LTN1: variants seen among roughly 807,000 people sequenced by gnomAD.
LTN1 encodes E3 ubiquitin-protein ligase listerin.
LTN1 carries 88 observed loss-of-function variants against 201.2 expected under a neutral mutation model. That is an observed-to-expected ratio of 0.44 (90% confidence interval 0.37 to 0.52). The LOEUF is 0.52. Among genes scored for constraint, LTN1 ranks in the 20% least tolerant of loss-of-function variants. LTN1 has a pLI of 0.00. For missense variants in LTN1, 1,752 were observed against 2,038.7 expected, an observed-to-expected ratio of 0.86 and a Z score of 2.71; for synonymous variants, 645 against 713.5, an observed-to-expected ratio of 0.90 and a Z score of 1.53.
intron 5 of LTN1, among the ~76,000 whole-genome samples, chr21:28,981,881 G>A (rs529201218): frequency 4.6e-5 from 7 of 152,298 alleles, no homozygotes; most frequent in African/African-American, 1.7e-4. Context: ...ACAGCATTAT[G>A]TTATTTTCAT....
At chr21:28,939,203 TA>T (rs1273168405) in intron 25 of LTN1, among the ~76,000 whole-genome samples, 32 of 152,346 alleles carry the variant, frequency 2.1e-4, no homozygotes, top group South Asian at 1.0e-3. Context: ...TGATTTTAAG[TA>T]GTATACAGGA....
chr21:28,990,420 G>A (rs1483589323), intron 1 of LTN1, among the ~76,000 whole-genome samples: 2 of 152,180 alleles, frequency 1.3e-5, no homozygotes, highest in Admixed American at 1.3e-4. Flanking sequence ...TAATTCATTA[G>A]TTGGGTTGTT....
chr21:28,986,105 AAC>A lies in LTN1; in HGVS notation c.345+32_345+33del. 7.9e-7 allele frequency: 1 copy of A among 1,258,560 alleles called. No individual in the cohort carries two copies. Among genetic ancestry groups the A allele is most frequent in the Non-Finnish European group, 1.2e-6 (1 of 860,970 alleles). 78.0% of individuals were successfully genotyped at this position (1,258,560 alleles called of 1,614,324 possible). A position where few individuals can be genotyped will look rare whatever the true frequency, so the allele number is the denominator to read the frequency against. ...CCATGACTCCAACCAAAAAATATAC[AAC>A]AGAAATAAACTAGCAAAGTTTTAAT... On this transcript the variant is annotated intron_variant, in intron 3 of 29. Transcript: ENST00000361371. This position sits in a 1 kb window ranked among gnomAD's most constrained non-coding sequence, Gnocchi z 4.1.
chr21:28,938,490 T>TA (rs1438147601), intron 25 of LTN1, among the ~76,000 whole-genome samples: 1 of 152,214 alleles, frequency 6.6e-6, no homozygotes, highest in Non-Finnish European at 1.5e-5. Flanking sequence ...AACAAAAAGT[T>TA]AGAGATTTTT....
At chr21:28,964,672 C>G in intron 11 of LTN1, 1 of 1,550,452 alleles carries the variant, frequency 6.4e-7, no homozygotes, top group Non-Finnish European at 8.7e-7. Context: ...GAAGCGCAGG[C>G]AGCAAACACT....
In LTN1 at chr21:28,965,914, A is replaced by C. The variant is rs2084517864; in HGVS notation, c.2122-8T>G. ...ATTCCATTTCAAGTCCACCTGAAAA[A>C]AGAAAAAGAGTTAGAAACAATCTGC... On this transcript the variant is annotated splice_region_variant and splice_polypyrimidine_tract_variant and intron_variant, in intron 10 of 29. Transcript: ENST00000361371. 1 of 1,525,268 alleles carries C rather than the reference A, an allele frequency of 6.6e-7. No individual in the cohort carries two copies. Among genetic ancestry groups the C allele is most frequent in the Non-Finnish European group, 9.0e-7 (1 of 1,113,222 alleles). 94.5% of individuals were successfully genotyped at this position (1,525,268 alleles called of 1,614,324 possible).
At chr21:28,972,500 G>A (rs1202232292) in intron 6 of LTN1, among the ~76,000 whole-genome samples, 1 of 152,096 alleles carries the variant, frequency 6.6e-6, no homozygotes, top group Admixed American at 6.5e-5. Flanking sequence ...TGCAGAACCT[G>A]CAGATATGGA....
In LTN1 at chr21:28,965,958, G is replaced by A. The variant is rs752633070; in HGVS notation, c.2122-52C>T. The A allele has an allele frequency of 6.3e-6, 7 of 1,116,372 alleles. No homozygotes were observed. In the South Asian group the frequency reaches 8.6e-5, roughly 14 times the overall value. The allele number at this position is 1,116,372 out of a possible 1,614,324, so 69.2% of individuals were successfully genotyped here. On this transcript the variant is annotated intron_variant, in intron 10 of 29. Transcript: ENST00000361371. ...AATCTGCTAGAACAACTTTTTGTTT[G>A]AGATGGGGTTTTGTATGTTGCCCAG...
At position 28,967,296 on chromosome 21, in the gene LTN1, G is replaced by A. The variant is rs1422780454; in HGVS notation, c.1312-117C>T. ...AGTGATATCATTTCATAAGCTAATG[G>A]GTTGATTGATGGCTGGCAGCACCTG... On this transcript the variant is annotated intron_variant, in intron 9 of 29. Coordinates refer to ENST00000361371, the MANE Select transcript of LTN1 (RefSeq NM_015565.3). 1.5e-5 allele frequency: 11 copies of A among 735,988 alleles called. No individual in the cohort carries two copies. The African/African-American group carries it at 1.6e-4, about 11-fold the overall frequency. 45.6% of individuals were successfully genotyped at this position (735,988 alleles called of 1,614,324 possible).
intron 18 of LTN1, among the ~76,000 whole-genome samples, chr21:28,948,175 A>G (rs78726053): frequency 1 from 108,021 of 108,024 alleles, 54,009 homozygotes; most frequent in Middle Eastern, 1. Context: ...CCTGGTGATA[A>G]AGCAAAACTC....
chr21:28,944,509 C>T lies in LTN1; in HGVS notation c.3856G>A (p.Ala1286Thr). The T allele has an allele frequency of 6.2e-7, 1 of 1,614,046 alleles. No individual in the cohort carries two copies. Residue 1286 changes from alanine (A) to threonine (T), a missense_variant, in exon 22 of 30, where the codon GCT becomes ACT. Ala to Thr is a moderately conservative substitution (Grantham distance 58). This residue lies in a region of LTN1 where 1,211 missense variants were observed against 1,312.8 expected (regional missense o/e 0.92). Transcript: ENST00000361371. Reference sequence around the variant, plus strand: ...TCCAGAGTTGTGGAATCAAAGAAAGCACTGAGGTCACAGGCCAAATCACAG... The same window carrying T: ...TCCAGAGTTGTGGAATCAAAGAAAGTACTGAGGTCACAGGCCAAATCACAG... ...VSCDLACDLS[A>T]FFDSTTLDTI... is the part of the protein sequence containing the mutation.
chr21:28,980,334 AC>A (rs981095065), intron 6 of LTN1, among the ~76,000 whole-genome samples: 1 of 144,246 alleles, frequency 6.9e-6, no homozygotes, highest in African/African-American at 2.6e-5. Flanking sequence ...TAATGAATCA[AC>A]AATAGCTATG....
At chr21:28,955,604 G>A (rs1029059575) in intron 16 of LTN1, among the ~76,000 whole-genome samples, 2 of 151,828 alleles carry the variant, frequency 1.3e-5, no homozygotes, top group Non-Finnish European at 2.9e-5. Flanking sequence ...TGGTACATAT[G>A]CACAATGGAA....
chr21:28,987,271 C>T (rs1443062339), intron 1 of LTN1, among the ~76,000 whole-genome samples: 1 of 152,134 alleles, frequency 6.6e-6, no homozygotes, highest in Non-Finnish European at 1.5e-5. Flanking sequence ...GAATGTATCA[C>T]ATGCAGGAAA....
intron 9 of LTN1, 131 bp from the exon 10 acceptor site, chr21:28,967,310 T>A (rs1003565372): frequency 7.5e-6 from 5 of 667,670 alleles, no homozygotes; most frequent in Non-Finnish European, 1.3e-5. Context: ...GATTGATGGC[T>A]GGCAGCACCT....
chr21:28,965,974 T>C, intron 10 of LTN1, 68 bp from the exon 11 acceptor site: 4 of 857,604 alleles, frequency 4.7e-6, no homozygotes, highest in Non-Finnish European at 7.2e-6. Context: ...GGGTTTTGTA[T>C]GTTGCCCAGG....
Position 28,957,396 on chromosome 21 carries a change from T to C in LTN1, c.2828A>G (p.Tyr943Cys), listed in dbSNP as rs770186643. Residue 943 changes from tyrosine to cysteine, a missense_variant, in exon 15 of 30, where the codon TAT (tyrosine) becomes TGT (cysteine). Tyr to Cys is a radical substitution (Grantham distance 194). Transcript: ENST00000361371. ...ESEDSYLMGV[Y>C]IGSVMPNDSE... is the part of the protein sequence containing the mutation. ...GTCGTTCGGCATTACACTTCCAATA[T>C]AAACTCCCATAAGATAAGAATCTTC... 3.1e-6 allele frequency: 5 copies of C among 1,608,572 alleles called. No individual in the cohort carries two copies. Among genetic ancestry groups the C allele is most frequent in the Non-Finnish European group, 3.4e-6 (4 of 1,178,060 alleles).
In LTN1 at chr21:28,984,870, A is replaced by G. The variant is rs1168333171; in HGVS notation, c.398T>C (p.Ile133Thr). ...EATQQAFEKLILKVKKQLAPY... is the reference protein window; with the variant it reads ...EATQQAFEKLTLKVKKQLAPY... Reference sequence around the variant, plus strand: ...AGCCAACTGTTTCTTTACTTTAAGGATAAGTTTTTCAAAAGCTTGTTGTGT... The same window carrying G: ...AGCCAACTGTTTCTTTACTTTAAGGGTAAGTTTTTCAAAAGCTTGTTGTGT... The change falls in exon 4 of 30, where the codon ATC (isoleucine) becomes ACC (threonine). Residue 133 changes from isoleucine to threonine, a missense_variant. Around this residue, in one of 3 missense-constraint regions of LTN1, gnomAD observed 280 missense variants for 375.7 expected, o/e 0.75. Coordinates refer to ENST00000361371, the MANE Select transcript of LTN1 (RefSeq NM_015565.3). The G allele has an allele frequency of 6.2e-7, 1 of 1,614,004 alleles. No individual in the cohort carries two copies. Among genetic ancestry groups the G allele is most frequent in the Non-Finnish European group, 8.5e-7 (1 of 1,180,004 alleles).
intron 18 of LTN1, among the ~76,000 whole-genome samples, chr21:28,948,418 C>T (rs1388936061): frequency 6.6e-6 from 1 of 151,062 alleles, no homozygotes. Flanking sequence ...TACAGGCATG[C>T]ACCACCATGT....
Sources: allele counts gnomAD v4.1 joint callset (sites outside exome capture counted in the v4.1 genomes callset), GRCh38; gene constraint gnomAD v4.1.1; regional missense constraint gnomAD v4.1.1; non-coding constraint Gnocchi (gnomAD v3.1); transcripts MANE v1.5; gene names NCBI Gene and HGNC (gene_info 2026-07-23, HGNC 2026-07-21).